Variants in COL25A1 observed in about 807,000 individuals in gnomAD.
The protein encoded by COL25A1 is collagen type XXV alpha 1 chain.
A neutral mutation model predicts 128.4 loss-of-function variants in COL25A1; 103 were observed. The observed-to-expected ratio is 0.80, with a 90% confidence interval of 0.68 to 0.94. COL25A1 has a LOEUF of 0.94. Among genes scored for constraint, COL25A1 ranks in the 40% least tolerant of loss-of-function variants. The pLI is 0.00. For synonymous variants in COL25A1, 279 were observed against 277.2 expected (o/e 1.01, Z -0.06); for missense variants, 745 against 840.0 (o/e 0.89, Z 1.40).
intron 3 of COL25A1, among the ~76,000 whole-genome samples, chr4:109,156,608 T>C (rs145873756): frequency 7.5e-4 from 114 of 152,222 alleles, no homozygotes; most frequent in African/African-American, 2.3e-3. Flanking sequence ...AGCAAACTCA[T>C]ATGTTGAGAT....
chr4:109,146,158 T>C (rs1770926796), intron 3 of COL25A1, among the ~76,000 whole-genome samples: 1 of 152,188 alleles, frequency 6.6e-6, no homozygotes, highest in Admixed American at 6.5e-5. Flanking sequence ...TTAAACGGTT[T>C]TGAGGATTTT....
chr4:108,908,998 T>C (rs958084198), intron 13 of COL25A1, among the ~76,000 whole-genome samples: 4 of 152,154 alleles, frequency 2.6e-5, no homozygotes, highest in Non-Finnish European at 4.4e-5. Flanking sequence ...AGGTTCACAA[T>C]AGTGATGTAA....
intron 3 of COL25A1, among the ~76,000 whole-genome samples, chr4:109,130,206 A>G (rs1310228475): frequency 2.6e-5 from 4 of 152,280 alleles, no homozygotes; most frequent in African/African-American, 4.8e-5. Context: ...GGATGATTAA[A>G]GTCAAATCAA....
intron 31 of COL25A1, among the ~76,000 whole-genome samples, chr4:108,837,602 C>T (rs144821189): frequency 1.1e-3 from 171 of 152,238 alleles, no homozygotes; most frequent in African/African-American, 3.8e-3. Flanking sequence ...ACATAAAACA[C>T]GTAGAACATG....
At chr4:108,934,424 T>C (rs1032869265) in intron 11 of COL25A1, among the ~76,000 whole-genome samples, 8 of 152,242 alleles carry the variant, frequency 5.3e-5, no homozygotes, top group African/African-American at 1.7e-4. Flanking sequence ...ACATGGCACA[T>C]GTATACCTAT....
rs377211964 is a variant in COL25A1 at position 108,863,413 on chromosome 4, A to G, written c.1084-26T>C. 42 of 1,601,828 alleles carry G rather than the reference A, an allele frequency of 2.6e-5. No homozygotes were observed. The African/African-American group carries it at 5.1e-4, about 19-fold the overall frequency. On this transcript the variant is annotated intron_variant, in intron 20 of 37. Coordinates refer to ENST00000399132, the MANE Select transcript of COL25A1 (RefSeq NM_198721.4). ...CTGTCACAAATTGCAAAACAGGTAAATGGTCATTCCCCCCACCCAGGCTGG... is the reference window on the plus strand; with the variant it reads ...CTGTCACAAATTGCAAAACAGGTAAGTGGTCATTCCCCCCACCCAGGCTGG...
intron 3 of COL25A1, among the ~76,000 whole-genome samples, chr4:109,140,121 T>G (rs1451581620): frequency 1.3e-5 from 2 of 152,210 alleles, no homozygotes; most frequent in Admixed American, 6.5e-5. Flanking sequence ...TGAATAGTGC[T>G]GCAATAAACA....
At chr4:109,280,150 A>C (rs1417902437) in intron 3 of COL25A1, among the ~76,000 whole-genome samples, 3 of 152,212 alleles carry the variant, frequency 2.0e-5, no homozygotes, top group Admixed American at 6.6e-5. Flanking sequence ...TGAAAATGAC[A>C]ACATGATTAA....
At chr4:109,096,928 T>C (rs1471586621) in intron 3 of COL25A1, among the ~76,000 whole-genome samples, 1 of 152,118 alleles carries the variant, frequency 6.6e-6, no homozygotes, top group Non-Finnish European at 1.5e-5. Context: ...TCCTCCATTA[T>C]ACAAAATAGA....
intron 3 of COL25A1, 77 bp downstream of exon 3, chr4:109,300,506 A>C: frequency 1.1e-6 from 1 of 949,660 alleles, no homozygotes; most frequent in South Asian, 1.3e-5. Context: ...TATTACAGGT[A>C]GACTTGACAG....
intron 6 of COL25A1, among the ~76,000 whole-genome samples, chr4:108,986,090 A>G (rs1451029188): frequency 1.3e-5 from 2 of 152,156 alleles, no homozygotes; most frequent in African/African-American, 4.8e-5. Flanking sequence ...TTTCCACAAA[A>G]TCCCTTGAAT....
intron 19 of COL25A1, among the ~76,000 whole-genome samples, chr4:108,877,378 C>A (rs1253840781): frequency 3.3e-5 from 5 of 152,170 alleles, no homozygotes; most frequent in Non-Finnish European, 7.4e-5. Context: ...ACAAAAAGTT[C>A]CATTGTCAAT....
At chr4:108,916,387 T>C (rs1402809361) in intron 13 of COL25A1, among the ~76,000 whole-genome samples, 1 of 152,200 alleles carries the variant, frequency 6.6e-6, no homozygotes, top group Admixed American at 6.5e-5. Flanking sequence ...TTCCTTTCTC[T>C]TGCTAAGGAA....
At chr4:108,878,974 T>G (rs1049883675) in intron 19 of COL25A1, among the ~76,000 whole-genome samples, 2 of 152,254 alleles carry the variant, frequency 1.3e-5, no homozygotes, top group African/African-American at 4.8e-5. Flanking sequence ...GGAATTCATT[T>G]CACATCCTAT....
chr4:108,939,934 C>T (rs1414437493), intron 10 of COL25A1, among the ~76,000 whole-genome samples: 1 of 152,098 alleles, frequency 6.6e-6, no homozygotes, highest in East Asian at 1.9e-4. Flanking sequence ...TATGAATAAG[C>T]CTTACATACA....
intron 26 of COL25A1, among the ~76,000 whole-genome samples, chr4:108,851,674 A>C (rs1245450736): frequency 6.6e-6 from 1 of 152,194 alleles, no homozygotes; most frequent in Non-Finnish European, 1.5e-5. Context: ...TTAGATATAA[A>C]GCAATTCTAG....
intron 3 of COL25A1, among the ~76,000 whole-genome samples, chr4:109,077,112 A>T (rs1763445570): frequency 6.6e-6 from 1 of 152,200 alleles, no homozygotes; most frequent in Non-Finnish European, 1.5e-5. Flanking sequence ...CAGAAAAGCT[A>T]ATTGGCACAA....
intron 3 of COL25A1, among the ~76,000 whole-genome samples, chr4:109,260,482 T>C (rs1207126324): frequency 2.6e-5 from 4 of 152,064 alleles, no homozygotes; most frequent in Non-Finnish European, 5.9e-5. Context: ...TGGGATTTGT[T>C]TGGTTGGTTG....
chr4:109,119,449 G>A (rs1767912204), intron 3 of COL25A1, among the ~76,000 whole-genome samples: 1 of 151,944 alleles, frequency 6.6e-6, no homozygotes, highest in Admixed American at 6.6e-5. Context: ...TAAGCCTCTA[G>A]AGAACACACA....
Sources: allele counts gnomAD v4.1 joint callset (sites outside exome capture counted in the v4.1 genomes callset), GRCh38; gene constraint gnomAD v4.1.1; transcripts MANE v1.5; gene names NCBI Gene and HGNC (gene_info 2026-07-23, HGNC 2026-07-21).